The following PHACTR3 variants were observed in gnomAD, a reference collection of about 807,000 sequenced individuals.
The protein encoded by PHACTR3 is phosphatase and actin regulator 3.
PHACTR3 carries 16 observed loss-of-function variants against 66.8 expected under a neutral mutation model. The observed-to-expected ratio is 0.24, with a 90% CI of 0.16 to 0.36. The LOEUF (loss-of-function observed/expected upper bound fraction) is 0.36, where lower values mean the gene tolerates loss of function less well. PHACTR3 is among the 10% of genes least tolerant of loss of function. PHACTR3 has a pLI of 1.00. For missense variants in PHACTR3, 647 were observed against 719.9 expected, an observed-to-expected ratio of 0.90 and a Z score of 1.16; for synonymous variants, 323 against 292.1, an observed-to-expected ratio of 1.11 and a Z score of -1.08.
chr20:59,634,537 T>C (rs1568948171), intron 1 of PHACTR3, among the ~76,000 whole-genome samples: 1 of 152,250 alleles, frequency 6.6e-6, no homozygotes. Flanking sequence ...TGCTCCTTTG[T>C]TGATGAAATG....
At chr20:59,748,027 G>A (rs1026106169) in intron 3 of PHACTR3, among the ~76,000 whole-genome samples, 192 bp downstream of exon 3, 1 of 152,172 alleles carries the variant, frequency 6.6e-6, no homozygotes, top group Admixed American at 6.5e-5. Context: ...CCAGGGGCAC[G>A]GGAGACCCCA....
intron 1 of PHACTR3, among the ~76,000 whole-genome samples, chr20:59,688,656 C>T (rs968772337): frequency 2.0e-5 from 3 of 152,132 alleles, no homozygotes; most frequent in Non-Finnish European, 4.4e-5. Flanking sequence ...TCATTCTCTC[C>T]CTGACCTTTT....
rs1043520237 is a variant in PHACTR3, at chr20:59,736,160, G to A, written c.119-6947G>A. Among the ~76,000 whole-genome samples the A allele has an allele frequency of 6.6e-6, 1 of 152,144 alleles. No individual in the cohort carries two copies. Among genetic ancestry groups the A allele is most frequent in the Non-Finnish European group, 1.5e-5 (1 of 68,004 alleles). ...CTGCCCCATCCATCATCTGAGGACT[G>A]AGGCTGTGTGTAGCACTTCCTCACA... On this transcript the variant is annotated intron_variant, in intron 1 of 12. Transcript: ENST00000371015. The surrounding 1 kb of genome is among the most constrained non-coding windows in gnomAD (Gnocchi z 4.6).
At chr20:59,623,293 G>T (rs904262335) in intron 1 of PHACTR3, among the ~76,000 whole-genome samples, 9 of 152,204 alleles carry the variant, frequency 5.9e-5, no homozygotes, top group African/African-American at 1.9e-4. Flanking sequence ...CCAGCTGTCT[G>T]CTTCTCCTCT....
chr20:59,774,205 G>T, intron 6 of PHACTR3, 38 bp from the exon 7 acceptor site: 1 of 1,528,450 alleles, frequency 6.5e-7, no homozygotes, highest in South Asian at 1.3e-5. Flanking sequence ...TCTGGGTGAA[G>T]GGGGTGACCT....
At chr20:59,656,384 C>G (rs2035620512) in intron 1 of PHACTR3, among the ~76,000 whole-genome samples, 1 of 151,496 alleles carries the variant, frequency 6.6e-6, no homozygotes, top group African/African-American at 2.4e-5. Flanking sequence ...ACTCTTTCAT[C>G]ACTGTTTCAC....
intron 1 of PHACTR3, among the ~76,000 whole-genome samples, chr20:59,659,098 A>G (rs2035725524): frequency 1.3e-5 from 2 of 152,108 alleles, no homozygotes; most frequent in South Asian, 2.1e-4. Flanking sequence ...CTCTTCATAC[A>G]TGTTTACCTT....
intron 8 of PHACTR3, chr20:59,836,233 G>A (rs1051277044): frequency 9.6e-6 from 4 of 416,248 alleles, no homozygotes; most frequent in Non-Finnish European, 1.7e-5. Context: ...AGGTTTGGGC[G>A]ACAGATCAGA....
chr20:59,743,687 G>A (rs1410198995), intron 2 of PHACTR3, among the ~76,000 whole-genome samples: 2 of 152,244 alleles, frequency 1.3e-5, no homozygotes, highest in African/African-American at 4.8e-5. Flanking sequence ...TCCCACACCT[G>A]CAATCTCACT....
intron 8 of PHACTR3, among the ~76,000 whole-genome samples, chr20:59,809,843 CTT>C (rs2041681396): frequency 1.3e-5 from 2 of 152,264 alleles, no homozygotes; most frequent in Non-Finnish European, 2.9e-5. Context: ...GTCAATAAAA[CTT>C]TATTTACAAA....
chr20:59,612,901 AG>A (rs1248833793), intron 1 of PHACTR3, among the ~76,000 whole-genome samples: 3 of 152,186 alleles, frequency 2.0e-5, no homozygotes, highest in Non-Finnish European at 4.4e-5. Flanking sequence ...CAGAAGGCAA[AG>A]GGGGAGCCAG....
At chr20:59,694,630 A>G (rs780202625) in intron 1 of PHACTR3, among the ~76,000 whole-genome samples, 6 of 152,204 alleles carry the variant, frequency 3.9e-5, no homozygotes, top group Non-Finnish European at 8.8e-5. Context: ...GGGGCAAGGC[A>G]CTGGCCTTTC....
chr20:59,791,327 G>A (rs1428812276), intron 7 of PHACTR3, among the ~76,000 whole-genome samples: 1 of 152,148 alleles, frequency 6.6e-6, no homozygotes, highest in Non-Finnish European at 1.5e-5. Context: ...CTCCAAAACT[G>A]TGAGCCAATA....
intron 7 of PHACTR3, among the ~76,000 whole-genome samples, chr20:59,785,849 T>TCTGCATCCCCTGCC (rs146366670): frequency 2.5e-5 from 1 of 40,526 alleles, no homozygotes; most frequent in African/African-American, 5.1e-5. Flanking sequence ...CCAGCAGCCC[T>TCTGCATCCCCTGCC]CTGCATCCCC....
intron 1 of PHACTR3, among the ~76,000 whole-genome samples, chr20:59,726,674 C>T (rs752477295): frequency 3.4e-4 from 51 of 152,070 alleles, no homozygotes; most frequent in Non-Finnish European, 4.1e-4. Flanking sequence ...TTAAAGGGTA[C>T]GATTCATGTG....
At chr20:59,605,852 G>GA (rs1568928991) in intron 1 of PHACTR3, among the ~76,000 whole-genome samples, 1 of 127,732 alleles carries the variant, frequency 7.8e-6, no homozygotes, top group East Asian at 2.5e-4. Context: ...AAAGCGGGGG[G>GA]GGAGGTGGGG....
At chr20:59,663,349 G>A (rs998369846) in intron 1 of PHACTR3, among the ~76,000 whole-genome samples, 1 of 152,218 alleles carries the variant, frequency 6.6e-6, no homozygotes, top group African/African-American at 2.4e-5. Flanking sequence ...CCGGCTGGCT[G>A]TAGCAACTGG....
intron 1 of PHACTR3, among the ~76,000 whole-genome samples, chr20:59,662,187 C>A (rs1392690777): frequency 6.6e-6 from 1 of 152,140 alleles, no homozygotes; most frequent in East Asian, 1.9e-4. Context: ...AGGCCGGTCT[C>A]ACCCTCAAAG....
chr20:59,750,459 G>A (rs1296221428), intron 3 of PHACTR3, among the ~76,000 whole-genome samples: 6 of 152,164 alleles, frequency 3.9e-5, no homozygotes, highest in Admixed American at 1.3e-4. Flanking sequence ...AGAAGGAAGC[G>A]GGGAGTGACT....
Sources: gnomAD v4.1 joint callset for allele counts (sites outside exome capture counted in the v4.1 genomes callset) on GRCh38, gnomAD v4.1.1 for gene constraint, Gnocchi (gnomAD v3.1) non-coding constraint, MANE v1.5 for transcripts, NCBI Gene and HGNC (gene_info 2026-07-23, HGNC 2026-07-21) for gene names.